Variants in UNC80 observed in about 807,000 individuals in gnomAD.
UNC80 encodes protein unc-80 homolog.
UNC80 carries 164 observed loss-of-function variants against 384.6 expected under a neutral mutation model. The observed-to-expected ratio is 0.43, with a 90% CI of 0.38 to 0.49. The LOEUF is 0.49. Among genes scored for constraint, UNC80 ranks in the 20% least tolerant of loss-of-function variants. The pLI, the probability that UNC80 is intolerant of heterozygous loss-of-function variation, is 0.00. For synonymous variants in UNC80, 1,486 were observed against 1,527.8 expected (o/e 0.97, Z 0.64); for missense variants, 3,330 against 4,143.0 (o/e 0.80, Z 5.39).
intron 7 of UNC80, among the ~76,000 whole-genome samples, chr2:209,813,061 T>C (rs574906430): frequency 6.0e-4 from 91 of 152,226 alleles, no homozygotes; most frequent in Non-Finnish European, 9.4e-4. Context: ...ACATAATATT[T>C]TCACAACTGA....
intron 18 of UNC80, among the ~76,000 whole-genome samples, chr2:209,835,571 C>G (rs532675918): frequency 6.6e-6 from 1 of 152,094 alleles, no homozygotes; most frequent in South Asian, 2.1e-4. Flanking sequence ...AATTAGTGCC[C>G]CCAGAAAATA....
At position 209,975,757 on chromosome 2, in the gene UNC80, TA is replaced by T. The variant is rs552606531; in HGVS notation, c.8588-359del. ...TGTGAGTGATATGTCCGTATTACCA[TA>T]AAGTTATTATGATAAAACTTTTGGA... On this transcript the variant is annotated intron_variant, in intron 56 of 64. Coordinates refer to ENST00000673920, the MANE Select transcript of UNC80 (RefSeq NM_001371986.1). Among the ~76,000 whole-genome samples, 510 of 152,358 alleles carry T rather than the reference TA, an allele frequency of 3.3e-3. 2 individuals carry two copies. The highest frequency in any genetic ancestry group is 5.6e-3 in the Non-Finnish European group (379 of 68,026).
At chr2:209,906,708 A>G (rs1031703336) in intron 29 of UNC80, among the ~76,000 whole-genome samples, 3 of 152,176 alleles carry the variant, frequency 2.0e-5, no homozygotes, top group Admixed American at 6.6e-5. Context: ...ATAAACTACT[A>G]AATAATGACA....
chr2:209,856,572 T>C (rs1483170028), intron 22 of UNC80, among the ~76,000 whole-genome samples: 1 of 152,038 alleles, frequency 6.6e-6, no homozygotes, highest in East Asian at 1.9e-4. Context: ...AGTCTTTATG[T>C]TTTATGTGAA....
chr2:209,846,054 T>C (rs1198956878), intron 21 of UNC80, among the ~76,000 whole-genome samples: 1 of 152,006 alleles, frequency 6.6e-6, no homozygotes, highest in East Asian at 1.9e-4. Context: ...TATAAATGAT[T>C]CGTACCCAAC....
At chr2:209,797,082 T>C (rs2078210595) in intron 7 of UNC80, among the ~76,000 whole-genome samples, 1 of 152,242 alleles carries the variant, frequency 6.6e-6, no homozygotes, top group Non-Finnish European at 1.5e-5. Context: ...CTGTGGCCTT[T>C]TGAATCTGGC....
At chr2:209,930,435 T>A (rs1338574550) in intron 37 of UNC80, among the ~76,000 whole-genome samples, 1 of 152,182 alleles carries the variant, frequency 6.6e-6, no homozygotes, top group Non-Finnish European at 1.5e-5. Flanking sequence ...TGTTCATTTC[T>A]ATGCTATAGT....
intron 21 of UNC80, among the ~76,000 whole-genome samples, chr2:209,845,560 A>C (rs2082110211): frequency 6.6e-6 from 1 of 152,216 alleles, no homozygotes. Flanking sequence ...TCTGATATGG[A>C]ATATTCATAG....
At chr2:209,994,744 G>A (rs1175038903) in intron 64 of UNC80, among the ~76,000 whole-genome samples, 1 of 152,064 alleles carries the variant, frequency 6.6e-6, no homozygotes, top group African/African-American at 2.4e-5. Context: ...AGAATCCAAA[G>A]CACTTGTGTT....
At chr2:209,861,504 T>C (rs1442463395) in intron 22 of UNC80, among the ~76,000 whole-genome samples, 4 of 152,208 alleles carry the variant, frequency 2.6e-5, no homozygotes, top group Non-Finnish European at 5.9e-5. Context: ...TCTTTTTATA[T>C]TGTGTCTCTT....
At chr2:209,780,897 A>C (rs1267479423) in intron 4 of UNC80, among the ~76,000 whole-genome samples, 1 of 152,170 alleles carries the variant, frequency 6.6e-6, no homozygotes, top group Non-Finnish European at 1.5e-5. Flanking sequence ...CAAGACCAAA[A>C]TTCACATTTT....
intron 14 of UNC80, among the ~76,000 whole-genome samples, chr2:209,828,596 A>G (rs2153828378): frequency 6.6e-6 from 1 of 152,184 alleles, no homozygotes; most frequent in East Asian, 1.9e-4. Context: ...TCTGGGCCAC[A>G]ATTAAGGACA....
intron 37 of UNC80, among the ~76,000 whole-genome samples, chr2:209,930,604 A>G (rs965493355): frequency 3.3e-5 from 5 of 152,170 alleles, no homozygotes; most frequent in African/African-American, 9.7e-5. Flanking sequence ...TGATTTTTCA[A>G]CATAGGTCCT....
intron 59 of UNC80, among the ~76,000 whole-genome samples, chr2:209,981,118 A>G (rs1251218262): frequency 2.6e-5 from 4 of 152,236 alleles, no homozygotes; most frequent in Non-Finnish European, 5.9e-5. Context: ...TTTTAAATAA[A>G]TAGTATCAGA....
intron 51 of UNC80, among the ~76,000 whole-genome samples, chr2:209,964,524 C>T (rs903240659): frequency 1.3e-5 from 2 of 152,112 alleles, no homozygotes; most frequent in Non-Finnish European, 2.9e-5. Context: ...CGCGGTTGTT[C>T]ACGCCTGTAA....
In UNC80 at chr2:209,821,306, A is replaced by G. The variant is rs138100545; in HGVS notation, c.2331+627A>G. Among the ~76,000 whole-genome samples, 3 of 152,296 alleles carry G rather than the reference A, an allele frequency of 2.0e-5. No individual in the cohort carries two copies. The East Asian group carries it at 5.8e-4, about 29-fold the overall frequency. On this transcript the variant is annotated intron_variant, in intron 13 of 64. Transcript: ENST00000673920. ...GCCCAATCCCACTAGACCAGGCCCC[A>G]CCATCATGACCTCACTTAACCCTAA...
At chr2:209,992,314 C>A in intron 62 of UNC80, 67 bp downstream of exon 62, 2 of 1,406,344 alleles carry the variant, frequency 1.4e-6, no homozygotes, top group Non-Finnish European at 2.0e-6. Flanking sequence ...ATTTTTAATG[C>A]CCATGTATAT....
At chr2:209,848,604 C>T (rs1018578219) in intron 21 of UNC80, among the ~76,000 whole-genome samples, 1 of 152,124 alleles carries the variant, frequency 6.6e-6, no homozygotes, top group Non-Finnish European at 1.5e-5. Context: ...AAATCACAGA[C>T]ATCATGTTAT....
intron 26 of UNC80, 112 bp downstream of exon 26, chr2:209,888,372 A>G: frequency 1.8e-6 from 2 of 1,120,478 alleles, no homozygotes; most frequent in Non-Finnish European, 2.5e-6. Context: ...ACTTCCTACA[A>G]TACTGACTGT....
Sources: gnomAD v4.1 joint callset for allele counts (sites outside exome capture counted in the v4.1 genomes callset) on GRCh38, gnomAD v4.1.1 for gene constraint, MANE v1.5 for transcripts, NCBI Gene and HGNC (gene_info 2026-07-23, HGNC 2026-07-21) for gene names.